The following TTC39A variants were observed in gnomAD, a reference collection of about 807,000 sequenced individuals.
The protein encoded by TTC39A is tetratricopeptide repeat protein 39A.
Under a neutral mutation model 82.3 loss-of-function variants are expected in TTC39A, and 46 were observed. The observed-to-expected ratio is 0.56, with a 90% CI of 0.44 to 0.71. The LOEUF is 0.71. Ranked by LOEUF, TTC39A falls within the 30% of genes least tolerant of loss-of-function variation. The pLI is 0.00. For missense variants in TTC39A, 543 were observed against 712.9 expected, an observed-to-expected ratio of 0.76 and a Z score of 2.71; for synonymous variants, 254 against 275.2, an observed-to-expected ratio of 0.92 and a Z score of 0.76.
At chr1:51,318,546 T>C (rs1442735716) in intron 2 of TTC39A, among the ~76,000 whole-genome samples, 2 of 151,994 alleles carry the variant, frequency 1.3e-5, no homozygotes, top group East Asian at 1.9e-4. Flanking sequence ...GAAAGATGGG[T>C]CCATGATGTC....
At chr1:51,303,299 G>A (rs1482023685) in intron 8 of TTC39A, 107 bp from the exon 9 acceptor site, 3 of 925,434 alleles carry the variant, frequency 3.2e-6, no homozygotes, top group Middle Eastern at 3.4e-4. Context: ...GAAGAGCACT[G>A]GAACCCTGGG....
rs1644819529 is a variant in TTC39A at position 51,305,084 on chromosome 1, G to A, written c.651C>T (p.Asn217=). 1 of 1,613,274 alleles carries A rather than the reference G, an allele frequency of 6.2e-7. No homozygotes were observed. Among genetic ancestry groups the A allele is most frequent in the South Asian group, 1.1e-5 (1 of 91,072 alleles). The change falls in exon 8 of 18, where the codon AAC becomes AAT. Residue 217 remains asparagine (N), a synonymous_variant. Transcript: ENST00000680483. The part of the protein sequence containing the change: ...RLLEFVGFSG[N]KDYGLLQLEE... ...GTGCTAGGAGGCAGGTGGTTACCTT[G>A]TTTCCTGAAAACCCCACAAACTCCA...
intron 1 of TTC39A, among the ~76,000 whole-genome samples, chr1:51,339,266 G>A (rs996815531): frequency 6.6e-6 from 1 of 152,138 alleles, no homozygotes; most frequent in Non-Finnish European, 1.5e-5. Flanking sequence ...GGTCTCTGAT[G>A]TCCCACCTAG....
chr1:51,302,244 C>A (rs892390015), intron 11 of TTC39A, 113 bp downstream of exon 11: 13 of 569,630 alleles, frequency 2.3e-5, no homozygotes, highest in South Asian at 6.2e-5. Context: ...CTCTTGGCCC[C>A]CCCCCCGCCC....
Position 51,330,488 on chromosome 1 carries a change from C to CA in TTC39A, c.-12_-11insT, listed in dbSNP as rs1645873501. On this transcript the variant is annotated 5_prime_UTR_variant, in exon 1 of 18. Coordinates refer to ENST00000680483, the MANE Select transcript of TTC39A (RefSeq NM_001297663.2). This position sits in a 1 kb window ranked among gnomAD's most constrained non-coding sequence, Gnocchi z 4.5. ...GCCAGCCGAGGTCATCGCCGAGGGG[C>CA]GCGGGCGGCGCTGCCCCAGCCGGAC... The CA allele has an allele frequency of 3.3e-5, 32 of 983,300 alleles. No homozygotes were observed. The South Asian group carries it at 1.5e-3, about 45-fold the overall frequency. The allele number at this position is 983,300 out of a possible 1,614,324, so 60.9% of individuals were successfully genotyped here. A position where few individuals can be genotyped will look rare whatever the true frequency, so the allele number is the denominator to read the frequency against.
chr1:51,332,066 T>A (rs1396624916), upstream of TTC39A, among the ~76,000 whole-genome samples: 1 of 152,192 alleles, frequency 6.6e-6, no homozygotes, highest in Non-Finnish European at 1.5e-5. Context: ...AACATGCTGT[T>A]CCCTCTGTGT....
At chr1:51,344,605 CTT>C (rs1258709497) in intron 1 of TTC39A, among the ~76,000 whole-genome samples, 10 of 152,246 alleles carry the variant, frequency 6.6e-5, no homozygotes, top group Admixed American at 2.0e-4. Context: ...CGTGCCCACA[CTT>C]GGCTCATGCA....
chr1:51,325,660 A>T lies in TTC39A; in HGVS notation c.42-3835T>A, dbSNP rs577720729. 7.9e-5 allele frequency among the ~76,000 whole-genome samples: 12 copies of T among 152,314 alleles called. No homozygotes were observed. The South Asian group carries it at 1.2e-3, about 16-fold the overall frequency. On this transcript the variant is annotated intron_variant, in intron 1 of 17. Transcript: ENST00000680483. ...CCAAGCTAAGGTCACACATCCAAGC[A>T]TGCATTCTAACCCAAGTTTCTGCCT...
intron 1 of TTC39A, among the ~76,000 whole-genome samples, chr1:51,329,379 G>A (rs1645825624): frequency 6.6e-6 from 1 of 152,176 alleles, no homozygotes; most frequent in African/African-American, 2.4e-5. Context: ...CCAAAGGAGG[G>A]ACCAGAAGTC....
chr1:51,296,086 A>C lies in TTC39A; in HGVS notation c.1138T>G (p.Leu380Val). ...HKPFGDDEVE[L>V]FRAVPGLKLK... is the part of the protein sequence containing the mutation. Reference sequence around the variant, plus strand: ...GCACGATGTGGGACCCACCGAAATAATTCCACTTCGTCGTCCCCGAACGGC... The same window carrying C: ...GCACGATGTGGGACCCACCGAAATACTTCCACTTCGTCGTCCCCGAACGGC... Residue 380 changes from leucine (L) to valine (V), a missense_variant, in exon 13 of 18, where the codon TTA becomes GTA. By Grantham distance (32) the Leu-to-Val change is conservative (BLOSUM62 1). Coordinates refer to ENST00000680483, the MANE Select transcript of TTC39A (RefSeq NM_001297663.2). 1 of 1,585,748 alleles carries C rather than the reference A, an allele frequency of 6.3e-7. No homozygotes were observed. The highest frequency in any genetic ancestry group is 8.6e-7 in the Non-Finnish European group (1 of 1,165,616).
intron 7 of TTC39A, 25 bp downstream of exon 7, chr1:51,305,952 G>C: frequency 1.2e-6 from 2 of 1,608,818 alleles, no homozygotes; most frequent in Non-Finnish European, 1.7e-6. Flanking sequence ...GCCAGGTGCT[G>C]TGGAAATGGA....
Position 51,320,308 on chromosome 1 carries a change from A to C in TTC39A, c.146+1413T>G, listed in dbSNP as rs555403422. ...AATAAAATTATTAACTCTAGAAGGA[A>C]ATAGTCTCGCACATGATTTTCTTTG... On this transcript the variant is annotated intron_variant, in intron 2 of 17. Coordinates refer to ENST00000680483, the MANE Select transcript of TTC39A (RefSeq NM_001297663.2). Among the ~76,000 whole-genome samples, 17 of 152,354 alleles carry C rather than the reference A, an allele frequency of 1.1e-4. No homozygotes were observed. In the South Asian group the frequency reaches 3.5e-3, roughly 32 times the overall value.
intron 11 of TTC39A, 119 bp downstream of exon 11, chr1:51,302,238 T>TGGGGGGGGGGGGGGGGGG: frequency 1.4e-6 from 1 of 723,518 alleles, no homozygotes; most frequent in Admixed American, 2.0e-5. Context: ...GGTTCTCTCT[T>TGGGGGGGGGGGGGGGGGG]GGCCCCCCCC....
intron 1 of TTC39A, among the ~76,000 whole-genome samples, chr1:51,344,185 G>C (rs1275304264): frequency 6.6e-6 from 1 of 152,176 alleles, no homozygotes; most frequent in African/African-American, 2.4e-5. Context: ...AACAAGTTTG[G>C]GGCTTGCCAA....
At chr1:51,328,175 C>T (rs533756745) in intron 1 of TTC39A, among the ~76,000 whole-genome samples, 1 of 152,212 alleles carries the variant, frequency 6.6e-6, no homozygotes, top group African/African-American at 2.4e-5. Context: ...AAGTGAGATC[C>T]TGTCTCTATT....
chr1:51,330,358 G>A lies in TTC39A; in HGVS notation c.41+79C>T. The A allele has an allele frequency of 4.3e-6, 4 of 929,104 alleles. No individual in the cohort carries two copies. Among genetic ancestry groups the A allele is most frequent in the Non-Finnish European group, 5.1e-6 (4 of 780,914 alleles). The allele number at this position is 929,104 out of a possible 1,614,324, so 57.6% of individuals were successfully genotyped here. On this transcript the variant is annotated intron_variant, in intron 1 of 17. Coordinates refer to ENST00000680483, the MANE Select transcript of TTC39A (RefSeq NM_001297663.2). The surrounding 1 kb of genome is among the most constrained non-coding windows in gnomAD (Gnocchi z 4.5). ...GCCCCAGGCCGGTGCGCGGGGGGAG[G>A]CCTGGCGCGGCGCCCGCCACCTGCC...
At chr1:51,316,660 C>T (rs1000990715) in intron 2 of TTC39A, among the ~76,000 whole-genome samples, 2 of 152,236 alleles carry the variant, frequency 1.3e-5, no homozygotes, top group African/African-American at 4.8e-5. Context: ...TTCCCCTCTC[C>T]TTATTATCCC....
chr1:51,330,414 G>C lies in TTC39A; in HGVS notation c.41+23C>G, dbSNP rs936884592. The C allele has an allele frequency of 6.5e-5, 63 of 976,730 alleles. No homozygotes were observed. The highest frequency in any genetic ancestry group is 7.6e-5 in the Non-Finnish European group (63 of 826,420). 60.5% of individuals were successfully genotyped at this position (976,730 alleles called of 1,614,324 possible). A position where few individuals can be genotyped will look rare whatever the true frequency, so the allele number is the denominator to read the frequency against. On this transcript the variant is annotated intron_variant, in intron 1 of 17. Coordinates refer to ENST00000680483, the MANE Select transcript of TTC39A (RefSeq NM_001297663.2). This position sits in a 1 kb window ranked among gnomAD's most constrained non-coding sequence, Gnocchi z 4.5. ...CCCAGCCCGCGCCGCCCGCGCCCCCGGGCCTCCCAGCCGCGCACTTACCCC... is the reference window on the plus strand; with the variant it reads ...CCCAGCCCGCGCCGCCCGCGCCCCCCGGCCTCCCAGCCGCGCACTTACCCC...
At chr1:51,303,961 A>G (rs1347966604) in intron 8 of TTC39A, among the ~76,000 whole-genome samples, 1 of 152,016 alleles carries the variant, frequency 6.6e-6, no homozygotes, top group Admixed American at 6.5e-5. Flanking sequence ...CGGGCAGCAG[A>G]TAGCAGCTAA....
Sources: gnomAD v4.1 joint callset for allele counts (sites outside exome capture counted in the v4.1 genomes callset) on GRCh38, gnomAD v4.1.1 for gene constraint, Gnocchi (gnomAD v3.1) non-coding constraint, MANE v1.5 for transcripts, NCBI Gene and HGNC (gene_info 2026-07-23, HGNC 2026-07-21) for gene names.